The following RAB17 variants were observed in gnomAD, a reference collection of about 807,000 sequenced individuals.
The protein encoded by RAB17 is ras-related protein Rab-17.
A neutral mutation model predicts 19.3 loss-of-function variants in RAB17; 15 were observed. The observed-to-expected ratio is 0.78, with a 90% CI of 0.52 to 1.20. The LOEUF (loss-of-function observed/expected upper bound fraction) is 1.20. Among genes scored for constraint, RAB17 ranks in the 50% most tolerant of loss-of-function variants. RAB17 has a pLI of 0.00. For synonymous variants in RAB17, 110 were observed against 112.8 expected, an observed-to-expected ratio of 0.97 and a Z score of 0.16; for missense variants, 262 against 269.3, an observed-to-expected ratio of 0.97 and a Z score of 0.19.
At chr2:237,580,018 C>T (rs747550446) in intron 2 of RAB17, among the ~76,000 whole-genome samples, 10 of 152,228 alleles carry the variant, frequency 6.6e-5, no homozygotes. Flanking sequence ...CCTCTGAACA[C>T]ACCAGATGCT....
chr2:237,576,460 CA>C, intron 4 of RAB17: 1 of 410,662 alleles, frequency 2.4e-6, no homozygotes, highest in Non-Finnish European at 5.0e-6. Context: ...AACGAGGGCT[CA>C]GACTGACGCT....
Position 237,577,529 on chromosome 2 carries a change from G to A in RAB17, c.310-147C>T, listed in dbSNP as rs2292876. ...ATGGGCGCACCTGCAGGGCTGCTCCGTTCCTCTGAGGAGGGCACGTTCCTG... is the reference window on the plus strand; with the variant it reads ...ATGGGCGCACCTGCAGGGCTGCTCCATTCCTCTGAGGAGGGCACGTTCCTG... On this transcript the variant is annotated intron_variant, in intron 3 of 5. Coordinates refer to ENST00000264601, the MANE Select transcript of RAB17 (RefSeq NM_022449.4). 3.2e-4 allele frequency: 289 copies of A among 907,132 alleles called. No homozygotes were observed. The East Asian group carries it at 6.4e-3, about 20-fold the overall frequency. The allele number at this position is 907,132 out of a possible 1,614,324, so 56.2% of individuals were successfully genotyped here. A position where few individuals can be genotyped will look rare whatever the true frequency, so the allele number is the denominator to read the frequency against.
chr2:237,575,394 A>G lies in RAB17; in HGVS notation c.522T>C (p.Asn174=), dbSNP rs138383903. 1.2e-6 allele frequency: 2 copies of G among 1,611,196 alleles called. No homozygotes were observed. Among genetic ancestry groups the G allele is most frequent in the South Asian group, 1.1e-5 (1 of 90,706 alleles). ...KLNHQVSEVF[N]TVAQELLQRS... ...CACGGGGACGTGACTCACCCACTGTATTGAACACCTCCGACACCTGGTGGT... is the reference window on the plus strand; with the variant it reads ...CACGGGGACGTGACTCACCCACTGTGTTGAACACCTCCGACACCTGGTGGT... Residue 174 remains asparagine, a synonymous_variant, in exon 5 of 6, where the codon AAT becomes AAC. Transcript: ENST00000264601.
chr2:237,589,823 A>G (rs2081379259), intron 1 of RAB17, among the ~76,000 whole-genome samples: 1 of 152,010 alleles, frequency 6.6e-6, no homozygotes, highest in Non-Finnish European at 1.5e-5. Context: ...CCTCCCTTCC[A>G]CTAAAGGGAA....
At chr2:237,588,567 T>C (rs2081368788) in intron 1 of RAB17, among the ~76,000 whole-genome samples, 1 of 151,784 alleles carries the variant, frequency 6.6e-6, no homozygotes, top group African/African-American at 2.4e-5. Context: ...GGGGAAAGGG[T>C]AGCGGGGGCG....
chr2:237,581,593 T>A lies in RAB17; in HGVS notation c.158-3438A>T, dbSNP rs536214073. On this transcript the variant is annotated intron_variant, in intron 2 of 5. Coordinates refer to ENST00000264601, the MANE Select transcript of RAB17 (RefSeq NM_022449.4). ...TTAATATCATTTAAGTGGTTTTGCTTTTTTTACCTTTTAATTTAAATAAAC... is the reference window on the plus strand; with the variant it reads ...TTAATATCATTTAAGTGGTTTTGCTATTTTTACCTTTTAATTTAAATAAAC... 3.4e-4 allele frequency among the ~76,000 whole-genome samples: 52 copies of A among 152,276 alleles called. 2 individuals are homozygous for A. The South Asian group carries it at 9.3e-3, about 27-fold the overall frequency.
Position 237,578,172 on chromosome 2 carries a change from C to T in RAB17, c.158-17G>A. ...AGAACGCACCTGAAACAGGGAGGCC[C>T]AGAGGGCTTACTCAGAGGACGAGGT... On this transcript the variant is annotated splice_polypyrimidine_tract_variant and intron_variant, in intron 2 of 5. Coordinates refer to ENST00000264601, the MANE Select transcript of RAB17 (RefSeq NM_022449.4). 6.2e-7 allele frequency: 1 copy of T among 1,601,024 alleles called. No homozygotes were observed. Among genetic ancestry groups the T allele is most frequent in the Non-Finnish European group, 8.5e-7 (1 of 1,170,008 alleles).
In RAB17 at chr2:237,575,441, TG is replaced by T. The variant is rs774830303; in HGVS notation, c.474del (p.Phe158LeufsTer8). 7 of 1,612,792 alleles carry T rather than the reference TG, an allele frequency of 4.3e-6. No individual in the cohort carries two copies. The East Asian group carries it at 1.6e-4, about 36-fold the overall frequency. ...KEFADSQKLL[F>X]METSAKLNHQ... ...TGGTTCAGTTTGGCCGAAGTTTCCA[TG>T]AACAGCAACTTCTGGCTGTCGGCAA... On this transcript the variant is annotated frameshift_variant, in exon 5 of 6. Transcript: ENST00000264601. LOFTEE classifies it high-confidence loss of function.
At chr2:237,589,616 G>C (rs1156338643) in intron 1 of RAB17, among the ~76,000 whole-genome samples, 1 of 152,160 alleles carries the variant, frequency 6.6e-6, no homozygotes. Flanking sequence ...TCAATAATGA[G>C]AGGTTGGAGC....
chr2:237,582,974 C>T (rs1328946470), intron 2 of RAB17, among the ~76,000 whole-genome samples: 1 of 152,178 alleles, frequency 6.6e-6, no homozygotes, highest in African/African-American at 2.4e-5. Context: ...TGGTGGTATG[C>T]ACCTGTAATC....
In RAB17 at chr2:237,574,556, C is replaced by T. The variant is rs1387346836; in HGVS notation, c.*463G>A. The T allele has an allele frequency of 1.3e-6, 2 of 1,549,940 alleles. No individual in the cohort carries two copies. The highest frequency in any genetic ancestry group is 1.4e-5 in the African/African-American group (1 of 73,010). On this transcript the variant is annotated 3_prime_UTR_variant, in exon 6 of 6. Transcript: ENST00000264601. ...GGGCCCACCCCACAGTCAGTCATCGCTCCATTTCTTCCTGGCACCACCACC... is the reference window on the plus strand; with the variant it reads ...GGGCCCACCCCACAGTCAGTCATCGTTCCATTTCTTCCTGGCACCACCACC...
At chr2:237,581,158 G>A (rs1438888660) in intron 2 of RAB17, among the ~76,000 whole-genome samples, 1 of 152,182 alleles carries the variant, frequency 6.6e-6, no homozygotes, top group African/African-American at 2.4e-5. Context: ...GGAGGCCAAG[G>A]AGGGAAGATC....
At chr2:237,582,449 C>T (rs895884780) in intron 2 of RAB17, among the ~76,000 whole-genome samples, 2 of 152,326 alleles carry the variant, frequency 1.3e-5, no homozygotes, top group East Asian at 1.9e-4. Context: ...TTTACACTCC[C>T]GTTTCACAGG....
At chr2:237,578,200 C>T (rs1329912465) in intron 2 of RAB17, 45 bp from the exon 3 acceptor site, 4 of 1,565,270 alleles carry the variant, frequency 2.6e-6, no homozygotes, top group Non-Finnish European at 3.5e-6. Flanking sequence ...GACGAGGTTG[C>T]CACATGCGGC....
chr2:237,577,884 C>T (rs967838392), intron 3 of RAB17, 120 bp downstream of exon 3: 19 of 1,158,678 alleles, frequency 1.6e-5, no homozygotes, highest in African/African-American at 3.1e-5. Flanking sequence ...GAGGAGGTGA[C>T]TGTTGCTCAC....
At chr2:237,582,623 A>G (rs2081317330) in intron 2 of RAB17, among the ~76,000 whole-genome samples, 1 of 152,040 alleles carries the variant, frequency 6.6e-6, no homozygotes, top group African/African-American at 2.4e-5. Context: ...CTCCTGGCCT[A>G]CCCTCTCCCC....
intron 2 of RAB17, chr2:237,578,900 AACACAC>A (rs59320284): frequency 0.05 from 7,182 of 143,192 alleles, 219 homozygotes; most frequent in African/African-American, 0.082. Context: ...GTACCTGCTT[AACACAC>A]ACACACACAC....
Position 237,587,149 on chromosome 2 carries a change from C to T in RAB17, c.-3-992G>A, listed in dbSNP as rs560615716. Among the ~76,000 whole-genome samples, 7 of 152,336 alleles carry T rather than the reference C, an allele frequency of 4.6e-5. No individual in the cohort carries two copies. The South Asian group carries it at 1.0e-3, about 23-fold the overall frequency. On this transcript the variant is annotated intron_variant, in intron 1 of 5. Coordinates refer to ENST00000264601, the MANE Select transcript of RAB17 (RefSeq NM_022449.4). Reference sequence around the variant, plus strand: ...TTGCCATGAGAGTGTGCGTGCACTTCCCACAGAAGGCAAATAATGTCCAGT... The same window carrying T: ...TTGCCATGAGAGTGTGCGTGCACTTTCCACAGAAGGCAAATAATGTCCAGT...
At chr2:237,584,770 A>AC (rs2081335424) in intron 2 of RAB17, among the ~76,000 whole-genome samples, 1 of 152,120 alleles carries the variant, frequency 6.6e-6, no homozygotes, top group Non-Finnish European at 1.5e-5. Flanking sequence ...AACTGAGGCC[A>AC]CCCTCAGGCC....
Sources: gnomAD v4.1 joint callset for allele counts (sites outside exome capture counted in the v4.1 genomes callset) on GRCh38, gnomAD v4.1.1 for gene constraint, MANE v1.5 for transcripts, NCBI Gene and HGNC (gene_info 2026-07-23, HGNC 2026-07-21) for gene names.